The following ACSS3 variants were observed in gnomAD, a reference collection of about 807,000 sequenced individuals.
ACSS3 encodes acyl-CoA synthetase short-chain family member 3, mitochondrial.
Under a neutral mutation model 84.2 loss-of-function variants are expected in ACSS3, and 64 were observed. The ratio of observed to expected loss-of-function variants is 0.76; its 90% confidence interval spans 0.62 to 0.94. The LOEUF (loss-of-function observed/expected upper bound fraction) is 0.94, where lower values mean the gene tolerates loss of function less well. ACSS3 is among the 40% of genes least tolerant of loss of function. The probability of loss-of-function intolerance (pLI) is 0.00; values close to 1 mark genes in which losing one functional copy is unlikely to be tolerated. For missense variants in ACSS3, 815 were observed against 867.6 expected (o/e 0.94, Z 0.76); for synonymous variants, 317 against 310.1 (o/e 1.02, Z -0.23).
At chr12:81,169,665 G>T (rs1887564046) in intron 7 of ACSS3, among the ~76,000 whole-genome samples, 1 of 151,874 alleles carries the variant, frequency 6.6e-6, no homozygotes, top group Non-Finnish European at 1.5e-5. Flanking sequence ...ATACTATTCT[G>T]CATTTTAATT....
intron 1 of ACSS3, among the ~76,000 whole-genome samples, chr12:81,106,247 GGCAT>G (rs928455233): frequency 2.6e-5 from 4 of 152,098 alleles, no homozygotes; most frequent in Admixed American, 6.6e-5. Context: ...GATCAGGGGT[GGCAT>G]TAGATTCTCA....
chr12:81,221,792 T>C (rs2033119015), intron 11 of ACSS3, among the ~76,000 whole-genome samples: 1 of 152,026 alleles, frequency 6.6e-6, no homozygotes, highest in South Asian at 2.1e-4. Flanking sequence ...CGTTTGTGGG[T>C]GGATGTTTGG....
chr12:81,109,817 A>G (rs1731177509), intron 2 of ACSS3, 113 bp downstream of exon 2: 2 of 920,590 alleles, frequency 2.2e-6, no homozygotes, highest in African/African-American at 1.7e-5. Flanking sequence ...ATATGTTGCC[A>G]TGCTTTTCTT....
At chr12:81,114,060 C>A (rs191756362) in intron 2 of ACSS3, among the ~76,000 whole-genome samples, 10 of 152,044 alleles carry the variant, frequency 6.6e-5, no homozygotes, top group Non-Finnish European at 8.8e-5. Flanking sequence ...CTGTGTGTGG[C>A]AAGTGTGCTC....
chr12:81,126,661 A>G (rs1463952744), intron 2 of ACSS3, among the ~76,000 whole-genome samples: 1 of 152,202 alleles, frequency 6.6e-6, no homozygotes, highest in African/African-American at 2.4e-5. Context: ...ATTTTCTGTG[A>G]AATTACAGTC....
At chr12:81,227,793 C>A (rs564171743) in intron 11 of ACSS3, among the ~76,000 whole-genome samples, 2 of 151,900 alleles carry the variant, frequency 1.3e-5, no homozygotes, top group Middle Eastern at 3.4e-3. Context: ...TGTTAGATGC[C>A]TCTACAGGAC....
chr12:81,185,384 T>C (rs1423394619), intron 8 of ACSS3, among the ~76,000 whole-genome samples: 1 of 151,606 alleles, frequency 6.6e-6, no homozygotes, highest in Non-Finnish European at 1.5e-5. Flanking sequence ...ATGTATCTAA[T>C]TGAAAAAGAA....
rs1207999837 is a variant in ACSS3 at position 81,233,384 on chromosome 12, T to A, written c.1632T>A (p.Asp544Glu). 2 of 1,611,074 alleles carry A rather than the reference T, an allele frequency of 1.2e-6. No individual in the cohort carries two copies. The highest frequency in any genetic ancestry group is 1.7e-6 in the Non-Finnish European group (2 of 1,177,866). ...ATACCATGGATGCTGGTTACATGGA[T>A]GAAGAAGGCTATTTGTATGTTATGT... is the stretch of plus-strand genomic sequence containing the variant. ...YYDTMDAGYM[D>E]EEGYLYVMSR... is the part of the protein sequence containing the mutation. Residue 544 changes from aspartate (D) to glutamate (E), a missense_variant, in exon 13 of 16, where the codon GAT becomes GAA. Transcript: ENST00000548058.
chr12:81,183,581 G>A (rs962990295), intron 8 of ACSS3, among the ~76,000 whole-genome samples: 1 of 151,966 alleles, frequency 6.6e-6, no homozygotes, highest in Non-Finnish European at 1.5e-5. Flanking sequence ...GACACATGAA[G>A]GCTGAAAGTA....
chr12:81,201,000 A>C (rs2032082219), intron 9 of ACSS3, among the ~76,000 whole-genome samples: 1 of 152,196 alleles, frequency 6.6e-6, no homozygotes, highest in South Asian at 2.1e-4. Context: ...CTTTCCTTAC[A>C]TAAGATGAAA....
At chr12:81,134,451 C>T (rs1885681432) in intron 2 of ACSS3, among the ~76,000 whole-genome samples, 1 of 152,112 alleles carries the variant, frequency 6.6e-6, no homozygotes, top group African/African-American at 2.4e-5. Context: ...TTTTGCAATA[C>T]ATAGGCTCTA....
chr12:81,219,071 T>C (rs1344850036), intron 10 of ACSS3, among the ~76,000 whole-genome samples: 1 of 152,174 alleles, frequency 6.6e-6, no homozygotes, highest in South Asian at 2.1e-4. Context: ...TAAAAATACT[T>C]CTTGCATAAG....
chr12:81,157,087 A>T (rs1009439905), intron 7 of ACSS3, among the ~76,000 whole-genome samples: 2 of 152,204 alleles, frequency 1.3e-5, no homozygotes, highest in Non-Finnish European at 2.9e-5. Flanking sequence ...TAGATACAAG[A>T]ATTCTTGACA....
At chr12:81,099,501 C>T (rs1882333525) in intron 1 of ACSS3, among the ~76,000 whole-genome samples, 1 of 152,126 alleles carries the variant, frequency 6.6e-6, no homozygotes, top group South Asian at 2.1e-4. Context: ...TTATTTCATA[C>T]AAAGTGCGAT....
chr12:81,104,112 C>G (rs1324759219), intron 1 of ACSS3, among the ~76,000 whole-genome samples: 2 of 152,100 alleles, frequency 1.3e-5, no homozygotes, highest in Non-Finnish European at 2.9e-5. Context: ...ATCAAACACA[C>G]ATAAGAAGAC....
chr12:81,164,832 A>G (rs1887325102), intron 7 of ACSS3, among the ~76,000 whole-genome samples: 1 of 152,160 alleles, frequency 6.6e-6, no homozygotes, highest in African/African-American at 2.4e-5. Context: ...TTTCAAGGAC[A>G]GGGATTTGCT....
chr12:81,181,449 C>T (rs751153520), intron 8 of ACSS3, among the ~76,000 whole-genome samples: 8 of 151,952 alleles, frequency 5.3e-5, no homozygotes, highest in African/African-American at 1.5e-4. Flanking sequence ...CCAGAAGATG[C>T]GCAAGCATTA....
At chr12:81,163,420 A>G (rs539369165) in intron 7 of ACSS3, among the ~76,000 whole-genome samples, 1 of 152,326 alleles carries the variant, frequency 6.6e-6, no homozygotes, top group South Asian at 2.1e-4. Context: ...CAATGGGGTA[A>G]AAGTATAACA....
chr12:81,158,774 C>T (rs1243110211), intron 7 of ACSS3, among the ~76,000 whole-genome samples: 2 of 152,090 alleles, frequency 1.3e-5, no homozygotes, highest in Non-Finnish European at 2.9e-5. Context: ...TCCTTGACCT[C>T]CCTGATTAGG....
Sources: gnomAD v4.1 joint callset for allele counts (sites outside exome capture counted in the v4.1 genomes callset) on GRCh38, gnomAD v4.1.1 for gene constraint, MANE v1.5 for transcripts, NCBI Gene and HGNC (gene_info 2026-07-23, HGNC 2026-07-21) for gene names.